Variants in GAS2L3 observed in about 807,000 individuals in gnomAD.
GAS2L3 encodes the protein growth arrest specific 2 like 3, also known as GAS2-like protein 3.
In GAS2L3, 28 loss-of-function variants were observed where a neutral mutation model predicts 37.0. That is an observed-to-expected ratio of 0.76 (90% CI 0.56 to 1.04). The LOEUF (loss-of-function observed/expected upper bound fraction) is 1.04. GAS2L3 is among the 50% of genes least tolerant of loss of function. GAS2L3 has a pLI of 0.00. For missense variants in GAS2L3, 793 were observed against 817.6 expected, an observed-to-expected ratio of 0.97 and a Z score of 0.37; for synonymous variants, 290 against 296.6, an observed-to-expected ratio of 0.98 and a Z score of 0.23.
chr12:100,608,690 T>G (rs1347627068), intron 5 of GAS2L3, among the ~76,000 whole-genome samples: 1 of 152,070 alleles, frequency 6.6e-6, no homozygotes, highest in Non-Finnish European at 1.5e-5. Context: ...CCCAGCTGAT[T>G]TTTTTTGTAT....
intron 2 of GAS2L3, among the ~76,000 whole-genome samples, chr12:100,593,460 A>G (rs896911747): frequency 6.6e-6 from 1 of 152,128 alleles, no homozygotes; most frequent in African/African-American, 2.4e-5. Flanking sequence ...TCATAAAACT[A>G]ATTTTGTTGA....
intron 5 of GAS2L3, among the ~76,000 whole-genome samples, chr12:100,604,263 T>C (rs1956028244): frequency 6.6e-6 from 1 of 152,112 alleles, no homozygotes; most frequent in African/African-American, 2.4e-5. Flanking sequence ...TTTGGTGTCC[T>C]CTTCAATTTT....
At chr12:100,598,627 G>T (rs1273018300) in intron 3 of GAS2L3, among the ~76,000 whole-genome samples, 1 of 152,070 alleles carries the variant, frequency 6.6e-6, no homozygotes, top group African/African-American at 2.4e-5. Flanking sequence ...TAAAATTTCA[G>T]TGTATTCATT....
intron 5 of GAS2L3, chr12:100,611,146 C>T (rs1448667092): frequency 6.6e-6 from 1 of 152,142 alleles, no homozygotes; most frequent in African/African-American, 2.4e-5. Flanking sequence ...GCAACCACGT[C>T]TGGCTAATAT....
intron 9 of GAS2L3, 55 bp downstream of exon 9, chr12:100,622,437 T>A: frequency 1.1e-6 from 1 of 887,858 alleles, no homozygotes; most frequent in Non-Finnish European, 1.8e-6. Flanking sequence ...GAAATTGGAT[T>A]TATTGCTTTA....
At position 100,600,542 on chromosome 12, in the gene GAS2L3, G is replaced by A. The variant is rs749291656; in HGVS notation, c.179G>A (p.Gly60Asp). Residue 60 changes from glycine to aspartate, a missense_variant, in exon 4 of 10, where the codon GGT becomes GAT. Coordinates refer to ENST00000547754, the MANE Select transcript of GAS2L3 (RefSeq NM_174942.3). Reference protein sequence around the residue: ...MQEDLSIWLSGLLGIKVKAEK... With the variant: ...MQEDLSIWLSDLLGIKVKAEK... ...GAAGATCTGTCAATCTGGTTATCTG[G>A]TTTATTAGGTGAGGCTTGAAACAAT... 1 of 1,612,820 alleles carries A rather than the reference G, an allele frequency of 6.2e-7. No individual in the cohort carries two copies. Among genetic ancestry groups the A allele is most frequent in the Non-Finnish European group, 8.5e-7 (1 of 1,179,312 alleles).
rs1955990888 is a variant in GAS2L3 at position 100,601,647 on chromosome 12, T to C, written c.197T>C (p.Val66Ala). ...IWLSGLLGIK[V>A]KAEKLLEELD... ...TGAAATATGTTTTTAGGTATTAAAGTTAAGGCAGAAAAATTATTGGAAGAA... is the reference window on the plus strand; with the variant it reads ...TGAAATATGTTTTTAGGTATTAAAGCTAAGGCAGAAAAATTATTGGAAGAA... The change falls in exon 5 of 10, where the codon GTT (valine) becomes GCT (alanine). Residue 66 changes from valine to alanine, a missense_variant. Val to Ala is a moderately conservative substitution (Grantham distance 64). Transcript: ENST00000547754. 2 of 1,493,292 alleles carry C rather than the reference T, an allele frequency of 1.3e-6. No individual in the cohort carries two copies. The highest frequency in any genetic ancestry group is 4.5e-5 in the East Asian group (2 of 44,084). 92.5% of individuals were successfully genotyped at this position (1,493,292 alleles called of 1,614,324 possible).
At chr12:100,600,630 G>A (rs1265974124) in intron 4 of GAS2L3, 80 bp downstream of exon 4, 1 of 1,150,656 alleles carries the variant, frequency 8.7e-7, no homozygotes, top group Non-Finnish European at 1.3e-6. Context: ...TTGTCAAGGA[G>A]TGATTGTTAC....
chr12:100,597,825 G>A (rs886248387), intron 3 of GAS2L3, among the ~76,000 whole-genome samples: 2 of 151,938 alleles, frequency 1.3e-5, no homozygotes, highest in East Asian at 3.9e-4. Flanking sequence ...TTTTGATCTG[G>A]TATAGTAAGA....
At chr12:100,575,426 A>G (rs1258795706) in intron 1 of GAS2L3, among the ~76,000 whole-genome samples, 1 of 148,620 alleles carries the variant, frequency 6.7e-6, no homozygotes, top group East Asian at 2.0e-4. Context: ...CTTTACTTAT[A>G]TTATTGTTAA....
chr12:100,614,315 T>C (rs1348694288), intron 6 of GAS2L3, among the ~76,000 whole-genome samples: 10 of 151,746 alleles, frequency 6.6e-5, no homozygotes, highest in Non-Finnish European at 1.5e-4. Flanking sequence ...ATACAAAAAT[T>C]AGCTGGGCAT....
rs2136588309 is a variant in GAS2L3 at position 100,622,483 on chromosome 12, T to C, written c.756+101T>C. ...GCTCTCCTTTTACTTTTAAAAACAT[T>C]GGAAAAGATGCTATTAATGGAAGGA... On this transcript the variant is annotated intron_variant, in intron 9 of 9. Transcript: ENST00000547754. 13 of 587,892 alleles carry C rather than the reference T, an allele frequency of 2.2e-5. No individual in the cohort carries two copies. In the South Asian group the frequency reaches 3.0e-4, roughly 14 times the overall value. The allele number at this position is 587,892 out of a possible 1,614,324, so 36.4% of individuals were successfully genotyped here.
chr12:100,594,405 T>C (rs1050159547), intron 2 of GAS2L3, among the ~76,000 whole-genome samples: 2 of 152,064 alleles, frequency 1.3e-5, no homozygotes, highest in African/African-American at 4.8e-5. Context: ...ATTAGCAGAA[T>C]AAGCTTATAG....
At chr12:100,578,885 G>T (rs958062573) in intron 1 of GAS2L3, 8 of 793,256 alleles carry the variant, frequency 1.0e-5, no homozygotes, top group South Asian at 1.4e-5. Context: ...AAATATGGGA[G>T]GTGTGGAAAG....
chr12:100,583,921 G>T (rs1015789685), intron 1 of GAS2L3, among the ~76,000 whole-genome samples: 12 of 152,096 alleles, frequency 7.9e-5, no homozygotes, highest in African/African-American at 1.9e-4. Flanking sequence ...ATAATAATAA[G>T]AAATAATAAA....
intron 8 of GAS2L3, among the ~76,000 whole-genome samples, chr12:100,621,345 T>C (rs891137827): frequency 1.3e-5 from 2 of 152,118 alleles, no homozygotes; most frequent in South Asian, 2.1e-4. Flanking sequence ...TCAACAAATA[T>C]CTTTACTTAA....
chr12:100,574,630 C>G (rs1955612879), intron 1 of GAS2L3, among the ~76,000 whole-genome samples: 2 of 152,138 alleles, frequency 1.3e-5, no homozygotes. Flanking sequence ...AATAGCTGAT[C>G]CCCAGTGGTT....
intron 8 of GAS2L3, among the ~76,000 whole-genome samples, chr12:100,621,903 G>GAGAGAA (rs1374306354): frequency 1.5e-4 from 23 of 150,730 alleles, no homozygotes; most frequent in African/African-American, 5.4e-4. Flanking sequence ...GAGAGAGAGA[G>GAGAGAA]AGAGAAAGAG....
At chr12:100,620,737 C>A (rs1956242244) in intron 8 of GAS2L3, among the ~76,000 whole-genome samples, 1 of 151,960 alleles carries the variant, frequency 6.6e-6, no homozygotes, top group Non-Finnish European at 1.5e-5. Flanking sequence ...AAATATACAA[C>A]AGCAATTCTA....
Sources: gnomAD v4.1 joint callset for allele counts (sites outside exome capture counted in the v4.1 genomes callset) on GRCh38, gnomAD v4.1.1 for gene constraint, MANE v1.5 for transcripts, NCBI Gene and HGNC (gene_info 2026-07-23, HGNC 2026-07-21) for gene names.